STXBP5L: variants seen among roughly 807,000 people sequenced by gnomAD.
STXBP5L encodes syntaxin binding protein 5L.
Under a neutral mutation model 144.5 loss-of-function variants are expected in STXBP5L, and 65 were observed. The observed-to-expected ratio is 0.45, with a 90% CI of 0.37 to 0.55. STXBP5L has a LOEUF of 0.55. Among genes scored for constraint, STXBP5L ranks in the 20% least tolerant of loss-of-function variants. The pLI, the probability that STXBP5L is intolerant of heterozygous loss-of-function variation, is 0.00. For synonymous variants in STXBP5L, 505 were observed against 469.6 expected (o/e 1.08, Z -0.97); for missense variants, 1,298 against 1,405.5 (o/e 0.92, Z 1.22).
At chr3:121,264,503 A>G (rs2050489512) in intron 18 of STXBP5L, among the ~76,000 whole-genome samples, 1 of 152,204 alleles carries the variant, frequency 6.6e-6, no homozygotes, top group South Asian at 2.1e-4. Context: ...AAAAACCGGT[A>G]CTAGCCACTG....
At chr3:121,264,660 C>T (rs2050496446) in intron 18 of STXBP5L, among the ~76,000 whole-genome samples, 1 of 152,010 alleles carries the variant, frequency 6.6e-6, no homozygotes, top group African/African-American at 2.4e-5. Context: ...CTAAATGCCC[C>T]AATTAAAAGA....
intron 2 of STXBP5L, among the ~76,000 whole-genome samples, chr3:120,951,966 T>C (rs535649227): frequency 1.3e-5 from 2 of 151,874 alleles, no homozygotes; most frequent in East Asian, 3.9e-4. Flanking sequence ...CATGGAATAC[T>C]ATGCAGCCAT....
chr3:121,404,440 C>T (rs2108738246), intron 22 of STXBP5L, among the ~76,000 whole-genome samples: 1 of 152,088 alleles, frequency 6.6e-6, no homozygotes, highest in East Asian at 1.9e-4. Flanking sequence ...CTTTAGGATA[C>T]ACCCAGGAGG....
intron 14 of STXBP5L, among the ~76,000 whole-genome samples, chr3:121,245,984 A>G (rs1468053779): frequency 6.6e-6 from 1 of 152,166 alleles, no homozygotes; most frequent in Admixed American, 6.5e-5. Flanking sequence ...GGAGAAAAAT[A>G]TTCTCCTTAA....
chr3:121,034,612 C>T (rs560561625), intron 3 of STXBP5L, among the ~76,000 whole-genome samples: 35 of 152,126 alleles, frequency 2.3e-4, no homozygotes, highest in African/African-American at 7.9e-4. Context: ...TTTTCTTTAT[C>T]GAACCATCCA....
chr3:121,056,012 C>T (rs1259367885), intron 5 of STXBP5L, among the ~76,000 whole-genome samples: 3 of 151,888 alleles, frequency 2.0e-5, no homozygotes, highest in Non-Finnish European at 4.4e-5. Context: ...ACTGTGTTGC[C>T]TAGGCTAGAC....
chr3:121,379,853 GAGTT>G (rs1460218628), intron 21 of STXBP5L, among the ~76,000 whole-genome samples: 1 of 152,052 alleles, frequency 6.6e-6, no homozygotes, highest in Non-Finnish European at 1.5e-5. Flanking sequence ...ATTTTTTAAA[GAGTT>G]AGGATCTCAT....
chr3:121,031,255 T>C (rs1235795454), intron 3 of STXBP5L, among the ~76,000 whole-genome samples: 1 of 152,026 alleles, frequency 6.6e-6, no homozygotes, highest in Non-Finnish European at 1.5e-5. Flanking sequence ...GGAAAATAGG[T>C]TGGAAGCAAG....
chr3:120,951,323 A>C (rs965992755), intron 2 of STXBP5L, among the ~76,000 whole-genome samples: 3 of 152,212 alleles, frequency 2.0e-5, no homozygotes, highest in Non-Finnish European at 2.9e-5. Flanking sequence ...TAAACTAAAG[A>C]GCTACTGCAC....
rs149616819 is a variant in STXBP5L at position 121,012,322 on chromosome 3, T to C, written c.288-29378T>C. Among the ~76,000 whole-genome samples, 629 of 151,992 alleles carry C rather than the reference T, an allele frequency of 4.1e-3. 2 individuals are homozygous for C. Among genetic ancestry groups the C allele is most frequent in the African/African-American group, 0.014 (591 of 41,534 alleles). ...CATATGTTTTCATTTGTCTTGGGCATGTATTCAGGAAGGGAATTGCTGCAT... is the reference window on the plus strand; with the variant it reads ...CATATGTTTTCATTTGTCTTGGGCACGTATTCAGGAAGGGAATTGCTGCAT... On this transcript the variant is annotated intron_variant, in intron 3 of 26. Transcript: ENST00000471454.
chr3:121,270,613 C>A (rs1011844642), intron 18 of STXBP5L, among the ~76,000 whole-genome samples: 2 of 151,972 alleles, frequency 1.3e-5, no homozygotes, highest in Non-Finnish European at 2.9e-5. Context: ...CCACCACACC[C>A]AGCTAATTTT....
At chr3:121,063,179 C>T (rs543982665) in intron 5 of STXBP5L, among the ~76,000 whole-genome samples, 8 of 152,258 alleles carry the variant, frequency 5.3e-5, no homozygotes, top group Non-Finnish European at 1.0e-4. Context: ...TGGTAACCTT[C>T]GGATGGGGTT....
At chr3:121,004,539 T>G (rs1944095432) in intron 3 of STXBP5L, among the ~76,000 whole-genome samples, 1 of 151,756 alleles carries the variant, frequency 6.6e-6, no homozygotes, top group Non-Finnish European at 1.5e-5. Context: ...GAATACCCTT[T>G]ATTTCCTTCT....
intron 7 of STXBP5L, among the ~76,000 whole-genome samples, chr3:121,128,170 G>C (rs2044801471): frequency 6.6e-6 from 1 of 152,118 alleles, no homozygotes; most frequent in African/African-American, 2.4e-5. Flanking sequence ...GCTGCCTAGA[G>C]GAGGGTTTAT....
intron 3 of STXBP5L, among the ~76,000 whole-genome samples, chr3:120,978,492 TTCC>T: frequency 6.6e-6 from 1 of 152,306 alleles, no homozygotes; most frequent in African/African-American, 2.4e-5. Context: ...TGGTTTGAAT[TTCC>T]TCCTGTAGCT....
intron 14 of STXBP5L, among the ~76,000 whole-genome samples, chr3:121,243,101 G>C (rs905421069): frequency 2.6e-5 from 4 of 152,114 alleles, no homozygotes; most frequent in Admixed American, 1.3e-4. Context: ...TCACCTTTTT[G>C]AGGGAAAGAA....
At chr3:120,910,737 A>T (rs1235200523) in intron 2 of STXBP5L, among the ~76,000 whole-genome samples, 1 of 152,158 alleles carries the variant, frequency 6.6e-6, no homozygotes, top group Non-Finnish European at 1.5e-5. Flanking sequence ...CAAGTGATAT[A>T]TGTATAATGA....
chr3:121,367,595 G>GTTTTTTTTT lies in STXBP5L; in HGVS notation c.2177-11102_2177-11094dup, dbSNP rs57288480. 2.3e-4 allele frequency among the ~76,000 whole-genome samples: 12 copies of GTTTTTTTTT among 51,362 alleles called. 1 individual carries two copies. Among genetic ancestry groups the GTTTTTTTTT allele is most frequent in the African/African-American group, 6.2e-4 (8 of 12,804 alleles). 33.7% of individuals were successfully genotyped at this position (51,362 alleles called of 152,430 possible). On this transcript the variant is annotated intron_variant, in intron 20 of 26. Transcript: ENST00000471454. ...GGTTCTCTCTTTGTCTTCGACTCTT[G>GTTTTTTTTT]TTTTTTTTTTTTTTTTTTTTTTTTT...
Position 121,409,007 on chromosome 3 carries a change from A to T in STXBP5L, c.2948+1404A>T, listed in dbSNP as rs924951567. ...AAATTTAATAATAAATTGAGAATAAATATTTGAAATTTTAGGTGTTATAAG... is the reference window on the plus strand; with the variant it reads ...AAATTTAATAATAAATTGAGAATAATTATTTGAAATTTTAGGTGTTATAAG... On this transcript the variant is annotated intron_variant, in intron 23 of 26. Transcript: ENST00000471454. 3.9e-5 allele frequency among the ~76,000 whole-genome samples: 6 copies of T among 151,972 alleles called. No individual in the cohort carries two copies. In the East Asian group the frequency reaches 1.2e-3, roughly 29 times the overall value.
Sources: gnomAD v4.1 joint callset for allele counts (sites outside exome capture counted in the v4.1 genomes callset) on GRCh38, gnomAD v4.1.1 for gene constraint, MANE v1.5 for transcripts, NCBI Gene and HGNC (gene_info 2026-07-23, HGNC 2026-07-21) for gene names.